The following ZFTRAF1 variants were observed in gnomAD, a reference collection of about 807,000 sequenced individuals.
The protein encoded by ZFTRAF1 is zinc finger TRAF-type-containing protein 1.
At chr8:144,458,467 C>T in the ZFTRAF1 span, among the ~76,000 whole-genome samples, 2 of 152,224 alleles carry the variant, frequency 1.3e-5, no homozygotes, top group Non-Finnish European at 2.9e-5. Flanking sequence ...TCCTGTACTG[C>T]TGCCCAGGAG....
At chr8:144,461,950 T>C in the ZFTRAF1 span, among the ~76,000 whole-genome samples, 1 of 151,566 alleles carries the variant, frequency 6.6e-6, no homozygotes, top group Non-Finnish European at 1.5e-5. Context: ...AGGCTGTGGG[T>C]TGGGAGAGTG....
chr8:144,458,518 G>A, the ZFTRAF1 span, among the ~76,000 whole-genome samples: 14 of 152,222 alleles, frequency 9.2e-5, no homozygotes, highest in Admixed American at 1.3e-4. Flanking sequence ...ACATGTGGAT[G>A]GTGACTCCAC....
the ZFTRAF1 span, chr8:144,455,745 C>G: frequency 6.6e-6 from 1 of 152,312 alleles, no homozygotes; most frequent in Non-Finnish European, 1.5e-5. Context: ...GCTGGAGCAT[C>G]TAATGCCACC....
the ZFTRAF1 span, chr8:144,456,131 T>G: frequency 6.6e-6 from 1 of 152,172 alleles, no homozygotes; most frequent in Non-Finnish European, 1.5e-5. Context: ...GTCCCTAGAG[T>G]GCCCTGGACT....
chr8:144,457,127 G>A, the ZFTRAF1 span: 2 of 151,704 alleles, frequency 1.3e-5, no homozygotes, highest in African/African-American at 4.9e-5. Context: ...ATGACATCAT[G>A]TGGTGACAGC....
the ZFTRAF1 span, chr8:144,452,185 C>T: frequency 4.8e-5 from 37 of 776,562 alleles, no homozygotes; most frequent in East Asian, 1.0e-3. Context: ...TCCACTCAGT[C>T]TCCGGCCTGT....
At chr8:144,450,875 A>C in the ZFTRAF1 span, 3 of 604,898 alleles carry the variant, frequency 5.0e-6, no homozygotes, top group Non-Finnish European at 9.0e-6. Flanking sequence ...CCGGGGAGGA[A>C]GGCAACTTAC....
At chr8:144,460,703 C>T in the ZFTRAF1 span, among the ~76,000 whole-genome samples, 3 of 152,126 alleles carry the variant, frequency 2.0e-5, no homozygotes, top group African/African-American at 4.8e-5. Context: ...GCCAACATGG[C>T]GAAACCCCGT....
chr8:144,453,676 G>C, the ZFTRAF1 span: 70 of 564,338 alleles, frequency 1.2e-4, no homozygotes, highest in South Asian at 1.4e-3. Context: ...GCAGAGATTA[G>C]AGGTCCTAAA....
the ZFTRAF1 span, among the ~76,000 whole-genome samples, chr8:144,459,373 C>T: frequency 1.3e-5 from 2 of 152,370 alleles, no homozygotes; most frequent in East Asian, 3.9e-4. Flanking sequence ...GCCAGTCCCC[C>T]AGAACATATC....
chr8:144,451,210 C>T, the ZFTRAF1 span: 48 of 169,312 alleles, frequency 2.8e-4, no homozygotes, highest in Admixed American at 1.9e-3. Flanking sequence ...CAGCCCTGCC[C>T]GAGGGGAGCA....
At chr8:144,450,017 C>G in the ZFTRAF1 span, 1 of 276,132 alleles carries the variant, frequency 3.6e-6, no homozygotes, top group African/African-American at 2.1e-5. Flanking sequence ...CGCCGGAACC[C>G]GCAGGGATGG....
At chr8:144,459,463 C>T in the ZFTRAF1 span, among the ~76,000 whole-genome samples, 4 of 152,264 alleles carry the variant, frequency 2.6e-5, no homozygotes, top group East Asian at 5.8e-4. Flanking sequence ...CAGGACTCGG[C>T]GGTGGCGGAA....
chr8:144,462,164 A>G, the ZFTRAF1 span: 6 of 369,372 alleles, frequency 1.6e-5, no homozygotes, highest in African/African-American at 1.3e-4. Context: ...AGGGCCAGAG[A>G]GGGTTCCCGG....
the ZFTRAF1 span, among the ~76,000 whole-genome samples, chr8:144,461,227 C>T: frequency 6.6e-6 from 1 of 152,230 alleles, no homozygotes; most frequent in African/African-American, 2.4e-5. Flanking sequence ...CTCATCCAGG[C>T]CCCCAATTCA....
At chr8:144,453,892 G>A in the ZFTRAF1 span, 1 of 183,048 alleles carries the variant, frequency 5.5e-6, no homozygotes, top group South Asian at 1.1e-4. Context: ...CCACACTGGG[G>A]CAGGCATGCT....
the ZFTRAF1 span, chr8:144,453,617 A>C: frequency 3.1e-6 from 2 of 652,672 alleles, no homozygotes; most frequent in South Asian, 3.9e-5. Flanking sequence ...GAGTGTGGTG[A>C]ACACTGCGAG....
At chr8:144,451,959 C>G in the ZFTRAF1 span, 3 of 304,198 alleles carry the variant, frequency 9.9e-6, no homozygotes, top group African/African-American at 4.3e-5. Flanking sequence ...GCAGGGTGCT[C>G]TTCTTGCCCC....
chr8:144,453,569 G>C, the ZFTRAF1 span: 1 of 982,326 alleles, frequency 1.0e-6, no homozygotes, highest in Non-Finnish European at 1.5e-6. Flanking sequence ...ACTCCAGCTG[G>C]TGCAGAGGGG....
Sources: allele counts gnomAD v4.1 joint callset (sites outside exome capture counted in the v4.1 genomes callset), GRCh38; gene constraint gnomAD v4.1.1; transcripts MANE v1.5; gene names NCBI Gene and HGNC (gene_info 2026-07-23, HGNC 2026-07-21).